Variants in S100A11 observed in about 807,000 individuals in gnomAD.
S100A11 encodes S100 calcium binding protein A11, also known as protein S100-A11.
S100A11 carries 5 observed loss-of-function variants against 7.4 expected under a neutral mutation model. That is an observed-to-expected ratio of 0.68 (90% CI 0.35 to 1.42). S100A11 has a LOEUF of 1.42. S100A11 is among the 40% of genes most tolerant of loss of function. The pLI, the probability that S100A11 is intolerant of heterozygous loss-of-function variation, is 0.04. For missense variants in S100A11, 96 were observed against 125.0 expected (o/e 0.77, Z 1.11); for synonymous variants, 47 against 46.6 (o/e 1.01, Z -0.04).
chr1:152,036,381 G>A (rs1656830472), intron 1 of S100A11, among the ~76,000 whole-genome samples: 2 of 152,326 alleles, frequency 1.3e-5, no homozygotes, highest in African/African-American at 4.8e-5. Context: ...TGCGGGCGGC[G>A]ACGGGCTAAA....
At chr1:152,035,123 T>C (rs3007676) in intron 1 of S100A11, among the ~76,000 whole-genome samples, 16,833 of 152,214 alleles carry the variant, frequency 0.11, 1,748 homozygotes, top group African/African-American at 0.27. Context: ...TTTGTTTTGC[T>C]CTAAATTGAA....
intron 1 of S100A11, among the ~76,000 whole-genome samples, chr1:152,034,059 T>G (rs1656789361): frequency 3.3e-5 from 5 of 152,228 alleles, no homozygotes; most frequent in Admixed American, 3.3e-4. Flanking sequence ...TTAAAAGCAG[T>G]AGACTGCCTA....
rs1208879822 is a variant in S100A11 at position 152,032,722 on chromosome 1, G to C, written c.258C>G (p.Gly86=). 1 of 1,613,900 alleles carries C rather than the reference G, an allele frequency of 6.2e-7. No individual in the cohort carries two copies. Among genetic ancestry groups the C allele is most frequent in the Non-Finnish European group, 8.5e-7 (1 of 1,179,892 alleles). ...AGGAGTCATGGCAAGCCATAGCTAG[G>C]CCACCAATCAGATTAAGAAATTCTG... The part of the protein sequence containing the change: ...DFSEFLNLIG[G]LAMACHDSFL... Residue 86 remains glycine (G), a synonymous_variant, in exon 3 of 3, where the codon GGC becomes GGG. Coordinates refer to ENST00000271638, the MANE Select transcript of S100A11 (RefSeq NM_005620.2).
intron 1 of S100A11, among the ~76,000 whole-genome samples, chr1:152,034,496 T>C (rs1656796635): frequency 6.6e-6 from 1 of 152,262 alleles, no homozygotes; most frequent in African/African-American, 2.4e-5. Context: ...AGGCTTCCAC[T>C]TCCTGGTGGG....
Position 152,033,680 on chromosome 1 carries a change from A to G in S100A11, c.124T>C (p.Phe42Leu). The stretch of plus-strand genomic sequence containing the variant: ...AAGGCAGCTAGTTCTGTATTCATGA[A>G]GCTTAGGAACTCTGTCTTGGAGAGA... The part of the protein sequence containing the change: ...YTLSKTEFLS[F>L]MNTELAAFTK... The change falls in exon 2 of 3, where the codon TTC (phenylalanine) becomes CTC (leucine). Residue 42 changes from phenylalanine (F) to leucine (L), a missense_variant. By Grantham distance (22) the Phe-to-Leu change is conservative. Transcript: ENST00000271638. This position sits in a 1 kb window ranked among gnomAD's most constrained non-coding sequence, Gnocchi z 4.0. 1 of 1,613,828 alleles carries G rather than the reference A, an allele frequency of 6.2e-7. No individual in the cohort carries two copies. The highest frequency in any genetic ancestry group is 8.5e-7 in the Non-Finnish European group (1 of 1,179,836).
intron 1 of S100A11, among the ~76,000 whole-genome samples, chr1:152,035,523 A>G (rs1487695246): frequency 6.6e-6 from 1 of 152,234 alleles, no homozygotes; most frequent in Non-Finnish European, 1.5e-5. Flanking sequence ...CAAGGAGAAA[A>G]TTAAAACCTC....
intron 1 of S100A11, among the ~76,000 whole-genome samples, chr1:152,036,614 G>GGC (rs1557787613): frequency 7.2e-6 from 1 of 138,958 alleles, no homozygotes; most frequent in African/African-American, 3.1e-5. Flanking sequence ...CCCACGACGG[G>GGC]TCCCCCCCCC....
intron 2 of S100A11, 82 bp from the exon 3 acceptor site, chr1:152,032,905 G>C (rs1656768140): frequency 9.4e-7 from 1 of 1,065,434 alleles, no homozygotes; most frequent in African/African-American, 1.6e-5. Flanking sequence ...TATTCTCACA[G>C]GAGTATAAGG....
intron 1 of S100A11, among the ~76,000 whole-genome samples, chr1:152,036,620 C>CCCCG (rs532594749): frequency 6.6e-6 from 1 of 152,070 alleles, no homozygotes. Flanking sequence ...ACGGGTCCCC[C>CCCCG]CCCCGCGCGG....
chr1:152,035,915 T>C (rs535651287), intron 1 of S100A11, among the ~76,000 whole-genome samples: 68 of 152,354 alleles, frequency 4.5e-4, no homozygotes, highest in Middle Eastern at 3.4e-3. Flanking sequence ...TTCTCATTCT[T>C]AACCAACACC....
At chr1:152,035,164 A>AG (rs1656808939) in intron 1 of S100A11, among the ~76,000 whole-genome samples, 1 of 152,226 alleles carries the variant, frequency 6.6e-6, no homozygotes, top group African/African-American at 2.4e-5. Flanking sequence ...TGGTAGGTTC[A>AG]GGGGCCTTTA....
At position 152,036,997 on chromosome 1, in the gene S100A11, C is replaced by T. The variant is rs548322064; in HGVS notation, c.-82G>A. 3.1e-6 allele frequency: 5 copies of T among 1,600,050 alleles called. No homozygotes were observed. Among genetic ancestry groups the T allele is most frequent in the East Asian group, 4.5e-5 (2 of 44,694 alleles). ...TGCGCGCGGCGTGCGGGTCTGGAGC[C>T]TCTCCTCAACCCACGCCCTTCCCGG... On this transcript the variant is annotated 5_prime_UTR_variant, in exon 1 of 3. Transcript: ENST00000271638.
Position 152,033,777 on chromosome 1 carries a change from C to T in S100A11, c.27G>A (p.Glu9=). Residue 9 remains glutamate (E), a synonymous_variant, in exon 2 of 3, where the codon GAG becomes GAA. Transcript: ENST00000271638. The surrounding 1 kb of genome is among the most constrained non-coding windows in gnomAD (Gnocchi z 4.0). ...TCAGGGACTCGATGCACCGCTCAGT[C>T]TCTGTAGGGCTGGAGATTTTTGCCT... MAKISSPT[E]TERCIESLIA... 3 of 1,614,050 alleles carry T rather than the reference C, an allele frequency of 1.9e-6. No individual in the cohort carries two copies. The highest frequency in any genetic ancestry group is 2.5e-6 in the Non-Finnish European group (3 of 1,179,954).
Position 152,033,504 on chromosome 1 carries a change from G to T in S100A11, c.156+144C>A. ...ATTTCATATATCTCTCTTCCTAAATGGAAAAACTCCTGGCTTAGAGTGAGT... is the reference window on the plus strand; with the variant it reads ...ATTTCATATATCTCTCTTCCTAAATTGAAAAACTCCTGGCTTAGAGTGAGT... On this transcript the variant is annotated intron_variant, in intron 2 of 2. Transcript: ENST00000271638. This position sits in a 1 kb window ranked among gnomAD's most constrained non-coding sequence, Gnocchi z 4.0. 2.7e-6 allele frequency: 2 copies of T among 731,190 alleles called. No individual in the cohort carries two copies. The highest frequency in any genetic ancestry group is 2.4e-6 in the Non-Finnish European group (1 of 423,990). The allele number at this position is 731,190 out of a possible 1,614,324, so 45.3% of individuals were successfully genotyped here. A position where few individuals can be genotyped will look rare whatever the true frequency, so the allele number is the denominator to read the frequency against.
rs1301584859 is a variant in S100A11, at chr1:152,032,842, T to G, written c.157-19A>C. 6.3e-7 allele frequency: 1 copy of G among 1,577,450 alleles called. No homozygotes were observed. Among genetic ancestry groups the G allele is most frequent in the Non-Finnish European group, 8.7e-7 (1 of 1,154,340 alleles). The stretch of plus-strand genomic sequence containing the variant: ...TCTGGTTCTGCAGAGAAAATAATAA[T>G]TACACCTTTATATCGCATCTTCTAA... On this transcript the variant is annotated intron_variant, in intron 2 of 2. Coordinates refer to ENST00000271638, the MANE Select transcript of S100A11 (RefSeq NM_005620.2).
At chr1:152,034,143 C>T (rs974000910) in intron 1 of S100A11, among the ~76,000 whole-genome samples, 2 of 152,152 alleles carry the variant, frequency 1.3e-5, no homozygotes, top group Non-Finnish European at 2.9e-5. Context: ...ACTCTATATC[C>T]ACAAATCCAT....
chr1:152,033,916 A>AT lies in S100A11; in HGVS notation c.4-117dup, dbSNP rs1255448947. Reference sequence around the variant, plus strand: ...AAGCAGTTTCCTAAAAGACTGAGTCATTTTTTCAAGGGGCTGAGGGGTTCA... The same window carrying AT: ...AAGCAGTTTCCTAAAAGACTGAGTCATTTTTTTCAAGGGGCTGAGGGGTTCA... On this transcript the variant is annotated intron_variant, in intron 1 of 2. Transcript: ENST00000271638. The surrounding 1 kb of genome is among the most constrained non-coding windows in gnomAD (Gnocchi z 4.0). The AT allele has an allele frequency of 1.5e-5, 14 of 923,378 alleles. No individual in the cohort carries two copies. The South Asian group carries it at 1.8e-4, about 12-fold the overall frequency. The allele number at this position is 923,378 out of a possible 1,614,324, so 57.2% of individuals were successfully genotyped here.
Position 152,032,723 on chromosome 1 carries a change from C to A in S100A11, c.257G>T (p.Gly86Val), listed in dbSNP as rs1230376812. 6.2e-7 allele frequency: 1 copy of A among 1,613,996 alleles called. No homozygotes were observed. The highest frequency in any genetic ancestry group is 1.1e-5 in the South Asian group (1 of 91,078). Residue 86 changes from glycine to valine, a missense_variant, in exon 3 of 3, where the codon GGC becomes GTC. Gly to Val is a moderately radical substitution (Grantham distance 109, BLOSUM62 -3). Transcript: ENST00000271638. ...GGAGTCATGGCAAGCCATAGCTAGG[C>A]CACCAATCAGATTAAGAAATTCTGA... is the stretch of plus-strand genomic sequence containing the variant. ...DFSEFLNLIG[G>V]LAMACHDSFL...
chr1:152,036,965 A>G lies in S100A11; in HGVS notation c.-50T>C. 6.2e-7 allele frequency: 1 copy of G among 1,611,980 alleles called. No homozygotes were observed. The highest frequency in any genetic ancestry group is 8.5e-7 in the Non-Finnish European group (1 of 1,179,346). ...GGCTGTGGCTGGGAGCGGCGCTGAG[A>G]GCTCTGTGCGCGCGGCGTGCGGGTC... On this transcript the variant is annotated 5_prime_UTR_variant, in exon 1 of 3. Transcript: ENST00000271638.
Sources: allele counts gnomAD v4.1 joint callset (sites outside exome capture counted in the v4.1 genomes callset), GRCh38; gene constraint gnomAD v4.1.1; non-coding constraint Gnocchi (gnomAD v3.1); transcripts MANE v1.5; gene names NCBI Gene and HGNC (gene_info 2026-07-23, HGNC 2026-07-21).